Variants in CSPP1 observed in about 807,000 individuals in gnomAD.
The protein encoded by CSPP1 is centrosome and spindle pole associated protein 1, also known as centrosome and spindle pole-associated protein 1.
In CSPP1, 126 loss-of-function variants were observed where a neutral mutation model predicts 164.4. The ratio of observed to expected loss-of-function variants is 0.77; its 90% CI spans 0.66 to 0.89. The LOEUF is 0.89. Ranked by LOEUF, CSPP1 falls within the 40% of genes least tolerant of loss-of-function variation. The pLI is 0.00. For missense variants in CSPP1, 1,395 were observed against 1,449.8 expected (o/e 0.96, Z 0.61); for synonymous variants, 472 against 476.7 (o/e 0.99, Z 0.13).
chr8:67,179,074 G>A (rs1832366966), intron 27 of CSPP1, among the ~76,000 whole-genome samples: 1 of 152,184 alleles, frequency 6.6e-6, no homozygotes, highest in South Asian at 2.1e-4. Context: ...GCTCTTTGCT[G>A]GAGTGTCCTA....
chr8:67,177,780 T>C (rs1305282742), intron 27 of CSPP1, 54 bp downstream of exon 27: 11 of 1,207,896 alleles, frequency 9.1e-6, no homozygotes, highest in Non-Finnish European at 1.4e-5. Context: ...TAAAAATCTT[T>C]AGGCATATGA....
intron 17 of CSPP1, among the ~76,000 whole-genome samples, chr8:67,138,997 C>T (rs1411588644): frequency 6.6e-6 from 1 of 152,172 alleles, no homozygotes; most frequent in African/African-American, 2.4e-5. Flanking sequence ...CCAGTTTCAG[C>T]TTTCTGCATA....
At chr8:67,169,594 C>A (rs891813940) in intron 24 of CSPP1, among the ~76,000 whole-genome samples, 6 of 152,068 alleles carry the variant, frequency 3.9e-5, no homozygotes, top group South Asian at 4.1e-4. Context: ...TGCCCACCCC[C>A]ACGCACGGCT....
At chr8:67,163,625 G>A (rs1322009680) in intron 22 of CSPP1, 107 bp from the exon 23 acceptor site, 11 of 716,434 alleles carry the variant, frequency 1.5e-5, no homozygotes, top group Non-Finnish European at 2.6e-5. Flanking sequence ...GTAGGATAGT[G>A]TGGAGTTTGG....
intron 20 of CSPP1, among the ~76,000 whole-genome samples, 180 bp from the exon 21 acceptor site, chr8:67,158,811 A>G (rs560189519): frequency 3.3e-5 from 5 of 152,222 alleles, no homozygotes; most frequent in Admixed American, 1.3e-4. Flanking sequence ...ATGTAGGCTG[A>G]CTGAAGACTT....
chr8:67,166,727 GTT>G (rs199739810), intron 24 of CSPP1, among the ~76,000 whole-genome samples: 7 of 142,374 alleles, frequency 4.9e-5, no homozygotes, highest in African/African-American at 1.3e-4. Flanking sequence ...CAGTTTAACG[GTT>G]TTTTTTTTTT....
In CSPP1 at chr8:67,114,038, T is replaced by C. The variant is rs1586211037; in HGVS notation, c.1245+176T>C. 11 of 466,948 alleles carry C rather than the reference T, an allele frequency of 2.4e-5. No homozygotes were observed. In the East Asian group the frequency reaches 3.6e-4, roughly 15 times the overall value. 28.9% of individuals were successfully genotyped at this position (466,948 alleles called of 1,614,324 possible). A position where few individuals can be genotyped will look rare whatever the true frequency, so the allele number is the denominator to read the frequency against. Reference sequence around the variant, plus strand: ...TAAATTCTCTTAACTGTTATTTCCTTGAGGTAATTTTTCCTTTTTCATTTG... The same window carrying C: ...TAAATTCTCTTAACTGTTATTTCCTCGAGGTAATTTTTCCTTTTTCATTTG... On this transcript the variant is annotated intron_variant, in intron 11 of 30. Coordinates refer to ENST00000678616, the MANE Select transcript of CSPP1 (RefSeq NM_001382391.1).
At chr8:67,129,575 C>T (rs1431019102) in intron 15 of CSPP1, among the ~76,000 whole-genome samples, 2 of 152,076 alleles carry the variant, frequency 1.3e-5, no homozygotes, top group Non-Finnish European at 2.9e-5. Flanking sequence ...TTTATAGCTG[C>T]ATTATTGATA....
At chr8:67,079,077 C>T (rs185582217) in intron 3 of CSPP1, among the ~76,000 whole-genome samples, 4 of 152,290 alleles carry the variant, frequency 2.6e-5, no homozygotes, top group Non-Finnish European at 4.4e-5. Context: ...ATGGTGACCT[C>T]TGCCTTTTCA....
chr8:67,145,188 T>C (rs1470586866), intron 17 of CSPP1, among the ~76,000 whole-genome samples: 1 of 152,162 alleles, frequency 6.6e-6, no homozygotes. Flanking sequence ...TATGTGAGCT[T>C]TGGTTATTTG....
At chr8:67,070,399 C>T (rs1806481405) in intron 1 of CSPP1, among the ~76,000 whole-genome samples, 1 of 149,208 alleles carries the variant, frequency 6.7e-6, no homozygotes, top group African/African-American at 2.5e-5. Flanking sequence ...GGAGGTGGAG[C>T]TTGCAGTGAG....
chr8:67,148,764 G>A (rs146940160), intron 17 of CSPP1, among the ~76,000 whole-genome samples: 70 of 152,226 alleles, frequency 4.6e-4, no homozygotes, highest in African/African-American at 1.7e-3. Context: ...TTTGTTTTAT[G>A]GAAAACAGGT....
intron 9 of CSPP1, among the ~76,000 whole-genome samples, chr8:67,106,345 A>C (rs764064682): frequency 2.6e-5 from 4 of 151,600 alleles, no homozygotes; most frequent in Non-Finnish European, 4.4e-5. Context: ...ATGAGCTTTT[A>C]ATTCCATATT....
At chr8:67,131,622 G>A (rs190816743) in intron 15 of CSPP1, among the ~76,000 whole-genome samples, 1 of 152,174 alleles carries the variant, frequency 6.6e-6, no homozygotes, top group African/African-American at 2.4e-5. Context: ...AGGGACTTTG[G>A]CTGTGTTATT....
rs564870234 is a variant in CSPP1, at chr8:67,111,864, A to G, written c.1094-108A>G. ...TTTTTTCCTTCTGTATTTCTTGCATATTAGTAATTATATGATACAATTAAG... is the reference window on the plus strand; with the variant it reads ...TTTTTTCCTTCTGTATTTCTTGCATGTTAGTAATTATATGATACAATTAAG... On this transcript the variant is annotated intron_variant, in intron 9 of 30. Transcript: ENST00000678616. 4.3e-4 allele frequency: 241 copies of G among 557,330 alleles called. No individual in the cohort carries two copies. In the Middle Eastern group the frequency reaches 5.2e-3, roughly 12 times the overall value. The allele number at this position is 557,330 out of a possible 1,614,324, so 34.5% of individuals were successfully genotyped here. A position where few individuals can be genotyped will look rare whatever the true frequency, so the allele number is the denominator to read the frequency against.
intron 1 of CSPP1, 108 bp from the exon 2 acceptor site, chr8:67,074,135 C>T (rs1054019849): frequency 1.6e-6 from 1 of 624,834 alleles, no homozygotes; most frequent in Non-Finnish European, 2.8e-6. Flanking sequence ...TTGAATTTCT[C>T]AATTTGATAA....
rs372197172 is a variant in CSPP1, at chr8:67,095,481, C to G, written c.672C>G (p.Ile224Met). The G allele has an allele frequency of 6.2e-7, 1 of 1,612,784 alleles. No individual in the cohort carries two copies. Among genetic ancestry groups the G allele is most frequent in the Admixed American group, 1.7e-5 (1 of 59,822 alleles). Reference sequence around the variant, plus strand: ...GATACCGACAACTAGATGATGAAATCGAATTAAGGAATAGAAGAATTATTA... The same window carrying G: ...GATACCGACAACTAGATGATGAAATGGAATTAAGGAATAGAAGAATTATTA... Reference protein sequence around the residue: ...EDRYRQLDDEIELRNRRIIKK... With the variant: ...EDRYRQLDDEMELRNRRIIKK... The change falls in exon 7 of 31, where the codon ATC (isoleucine) becomes ATG (methionine). Residue 224 changes from isoleucine to methionine, a missense_variant. By Grantham distance (10) the Ile-to-Met change is conservative. Coordinates refer to ENST00000678616, the MANE Select transcript of CSPP1 (RefSeq NM_001382391.1).
At chr8:67,124,174 C>T (rs902679051) in intron 15 of CSPP1, among the ~76,000 whole-genome samples, 2 of 152,178 alleles carry the variant, frequency 1.3e-5, no homozygotes, top group African/African-American at 4.8e-5. Flanking sequence ...GCTGGGATTA[C>T]AGGCATGAGC....
intron 9 of CSPP1, among the ~76,000 whole-genome samples, chr8:67,106,996 T>C (rs954916754): frequency 2.0e-5 from 3 of 152,034 alleles, no homozygotes; most frequent in Non-Finnish European, 4.4e-5. Flanking sequence ...ATTCTTTTTG[T>C]TTTGTTTTTA....
Sources: gnomAD v4.1 joint callset for allele counts (sites outside exome capture counted in the v4.1 genomes callset) on GRCh38, gnomAD v4.1.1 for gene constraint, MANE v1.5 for transcripts, NCBI Gene and HGNC (gene_info 2026-07-23, HGNC 2026-07-21) for gene names.